GPR39: variants seen among roughly 807,000 people sequenced by gnomAD.
GPR39 encodes the protein zinc sensing receptor.
Under a neutral mutation model 18.4 loss-of-function variants are expected in GPR39, and 23 were observed. The ratio of observed to expected loss-of-function variants is 1.25; its 90% CI spans 0.90 to 1.77. GPR39 has a LOEUF of 1.77. Among genes scored for constraint, GPR39 ranks in the 40% most tolerant of loss-of-function variants. GPR39 has a pLI of 0.00. For missense variants in GPR39, 647 were observed against 602.4 expected (o/e 1.07, Z -0.78); for synonymous variants, 280 against 257.9 (o/e 1.09, Z -0.82).
Position 132,562,657 on chromosome 2 carries a change from G to C in GPR39, c.857-82444G>C, listed in dbSNP as rs375364279. On this transcript the variant is annotated intron_variant, in intron 1 of 1. Coordinates refer to ENST00000329321, the MANE Select transcript of GPR39 (RefSeq NM_001508.3). ...TTTGGATACCCTAGCACCCAGTGCT[G>C]TCACCACCAAGAGGGAGCCACTGGT... 9.2e-5 allele frequency among the ~76,000 whole-genome samples: 14 copies of C among 152,148 alleles called. No homozygotes were observed. In the East Asian group the frequency reaches 1.9e-3, roughly 21 times the overall value.
At chr2:132,564,803 C>CTTTTT (rs1680316668) in intron 1 of GPR39, among the ~76,000 whole-genome samples, 4 of 91,722 alleles carry the variant, frequency 4.4e-5, no homozygotes, top group East Asian at 8.0e-4. Context: ...CTATTTTTTT[C>CTTTTT]TTTTTTCTTT....
At chr2:132,435,974 G>C (rs36007270) in intron 1 of GPR39, among the ~76,000 whole-genome samples, 3 of 152,166 alleles carry the variant, frequency 2.0e-5, no homozygotes, top group Admixed American at 6.5e-5. Flanking sequence ...GAAAGCAAAA[G>C]TGTCAGCCCA....
At chr2:132,602,916 A>T (rs1681070728) in intron 1 of GPR39, among the ~76,000 whole-genome samples, 3 of 151,644 alleles carry the variant, frequency 2.0e-5, no homozygotes. Context: ...AAGGAAAGAG[A>T]ACTCTGACAT....
intron 1 of GPR39, among the ~76,000 whole-genome samples, chr2:132,642,685 G>T (rs1681877142): frequency 1.3e-5 from 2 of 152,192 alleles, no homozygotes; most frequent in Admixed American, 6.5e-5. Context: ...GGCTTTAAAA[G>T]CTGTGCTATG....
Position 132,646,130 on chromosome 2 carries a change from C to G in GPR39, c.*524C>G. The stretch of plus-strand genomic sequence containing the variant: ...CCTGAGGGCCGAGGCAGAACTTCCC[C>G]TTTTCTTGGGCCTTGGCCCGTTACA... On this transcript the variant is annotated 3_prime_UTR_variant, in exon 2 of 2. Coordinates refer to ENST00000329321, the MANE Select transcript of GPR39 (RefSeq NM_001508.3). 6.2e-7 allele frequency: 1 copy of G among 1,610,644 alleles called. No homozygotes were observed. The highest frequency in any genetic ancestry group is 1.7e-5 in the Admixed American group (1 of 59,610).
At chr2:132,542,617 TTAATAC>T (rs1679881211) in intron 1 of GPR39, among the ~76,000 whole-genome samples, 1 of 152,200 alleles carries the variant, frequency 6.6e-6, no homozygotes, top group South Asian at 2.1e-4. Context: ...TCAGCATTTG[TTAATAC>T]AGGGACTGGT....
chr2:132,637,607 G>A (rs1681787024), intron 1 of GPR39, among the ~76,000 whole-genome samples: 1 of 152,246 alleles, frequency 6.6e-6, no homozygotes, highest in Non-Finnish European at 1.5e-5. Context: ...GGGCAAGAAG[G>A]AAGATCTGCA....
intron 1 of GPR39, among the ~76,000 whole-genome samples, chr2:132,586,736 G>A (rs1310255278): frequency 6.6e-6 from 1 of 152,218 alleles, no homozygotes; most frequent in South Asian, 2.1e-4. Context: ...ACTGCGTGGT[G>A]CACAGTTTGC....
At chr2:132,467,280 G>A (rs1680944042) in intron 1 of GPR39, among the ~76,000 whole-genome samples, 1 of 152,102 alleles carries the variant, frequency 6.6e-6, no homozygotes, top group South Asian at 2.1e-4. Flanking sequence ...GCAGCAGAAG[G>A]CCATTATCCT....
intron 1 of GPR39, among the ~76,000 whole-genome samples, chr2:132,557,146 C>A (rs1309650750): frequency 6.6e-6 from 1 of 152,092 alleles, no homozygotes; most frequent in African/African-American, 2.4e-5. Flanking sequence ...TGGTGAAACC[C>A]CATCTCTACT....
intron 1 of GPR39, chr2:132,605,056 G>A (rs889776994): frequency 6.6e-6 from 1 of 152,164 alleles, no homozygotes; most frequent in Non-Finnish European, 1.5e-5. Context: ...TTTACTGTTG[G>A]AGAAATTGAG....
chr2:132,425,968 G>T (rs529041292), intron 1 of GPR39, among the ~76,000 whole-genome samples: 5 of 152,298 alleles, frequency 3.3e-5, no homozygotes, highest in African/African-American at 1.2e-4. Flanking sequence ...CTACAGATTT[G>T]TGTGCTAATA....
chr2:132,553,098 G>T (rs1401752730), intron 1 of GPR39, among the ~76,000 whole-genome samples: 2 of 151,246 alleles, frequency 1.3e-5, no homozygotes, highest in African/African-American at 4.9e-5. Flanking sequence ...GCTAATTTTT[G>T]TATTTTTAGT....
chr2:132,584,779 A>C lies in GPR39; in HGVS notation c.857-60322A>C, dbSNP rs142475448. On this transcript the variant is annotated intron_variant, in intron 1 of 1. Transcript: ENST00000329321. ...CAGAGGCAATTTGGTAGAAAATGGG[A>C]TGTCTATTAGACGATTACCAGTGTT... 3.3e-4 allele frequency among the ~76,000 whole-genome samples: 50 copies of C among 152,334 alleles called. 1 individual carries two copies. The East Asian group carries it at 9.4e-3, about 29-fold the overall frequency.
At chr2:132,484,151 A>G (rs759944602) in intron 1 of GPR39, among the ~76,000 whole-genome samples, 2 of 152,122 alleles carry the variant, frequency 1.3e-5, no homozygotes, top group Non-Finnish European at 2.9e-5. Context: ...ACTCATGATC[A>G]CTGATGTGTT....
intron 1 of GPR39, among the ~76,000 whole-genome samples, chr2:132,627,680 A>G (rs1044932100): frequency 1.3e-5 from 2 of 152,214 alleles, no homozygotes; most frequent in Non-Finnish European, 2.9e-5. Flanking sequence ...CCCTCACTGC[A>G]CAGTGCTGTT....
chr2:132,626,169 C>A (rs1189335994), intron 1 of GPR39, among the ~76,000 whole-genome samples: 1 of 152,104 alleles, frequency 6.6e-6, no homozygotes, highest in Non-Finnish European at 1.5e-5. Flanking sequence ...GGTGACACTG[C>A]TGGTTAGTAC....
chr2:132,526,003 C>G (rs1232750512), intron 1 of GPR39, among the ~76,000 whole-genome samples: 1 of 152,044 alleles, frequency 6.6e-6, no homozygotes, highest in East Asian at 1.9e-4. Context: ...GAAAACAGAC[C>G]AAATGTGAGC....
chr2:132,422,743 C>T (rs553975345), intron 1 of GPR39, among the ~76,000 whole-genome samples: 16 of 152,060 alleles, frequency 1.1e-4, no homozygotes, highest in African/African-American at 3.4e-4. Context: ...TGCAAGTGTC[C>T]TGTGATCAGC....
Sources: gnomAD v4.1 joint callset for allele counts (sites outside exome capture counted in the v4.1 genomes callset) on GRCh38, gnomAD v4.1.1 for gene constraint, MANE v1.5 for transcripts, NCBI Gene and HGNC (gene_info 2026-07-23, HGNC 2026-07-21) for gene names.